The following EPB41L1 variants were observed in gnomAD, a reference collection of about 807,000 sequenced individuals.
EPB41L1 encodes band 4.1-like protein 1.
EPB41L1 carries 29 observed loss-of-function variants against 97.8 expected under a neutral mutation model. The ratio of observed to expected loss-of-function variants is 0.30; its 90% CI spans 0.22 to 0.40. EPB41L1 has a LOEUF of 0.40. EPB41L1 is among the 10% of genes least tolerant of loss of function. The probability of loss-of-function intolerance (pLI) is 1.00; values close to 1 mark genes in which losing one functional copy is unlikely to be tolerated. For synonymous variants in EPB41L1, 383 were observed against 459.2 expected (o/e 0.83, Z 2.12); for missense variants, 812 against 1,162.3 (o/e 0.70, Z 4.38).
intron 1 of EPB41L1, among the ~76,000 whole-genome samples, chr20:36,102,149 G>A (rs1281171156): frequency 3.9e-5 from 6 of 152,132 alleles, no homozygotes; most frequent in South Asian, 2.1e-4. Context: ...GTAGGGCCCC[G>A]GAAGCAGCCT....
At chr20:36,161,686 G>T (rs2752895) in intron 1 of EPB41L1, among the ~76,000 whole-genome samples, 7,745 of 152,154 alleles carry the variant, frequency 0.051, 655 homozygotes, top group African/African-American at 0.18. Context: ...TGTTGGCCAG[G>T]CTGGTCTCGA....
At chr20:36,197,706 T>A in intron 13 of EPB41L1, 153 bp from the exon 14 acceptor site, 18 of 985,346 alleles carry the variant, frequency 1.8e-5, no homozygotes, top group Non-Finnish European at 2.2e-5. Flanking sequence ...CCCTGGTTTG[T>A]CTCTGGGGCT....
At chr20:36,187,839 T>TAG in intron 8 of EPB41L1, 76 bp downstream of exon 8, 1 of 1,320,526 alleles carries the variant, frequency 7.6e-7, no homozygotes, top group Non-Finnish European at 1.1e-6. Flanking sequence ...CCCTAGGGCG[T>TAG]GGTGTGCCAG....
At chr20:36,152,936 G>A, upstream of EPB41L1, 2 of 455,540 alleles carry the variant, frequency 4.4e-6, no homozygotes, top group South Asian at 3.1e-5. Context: ...GGCCTGGGCA[G>A]ATTTGTCTGT....
At chr20:36,205,750 CAGTGGTAG>C (rs2062763531) in intron 14 of EPB41L1, 2 of 1,149,484 alleles carry the variant, frequency 1.7e-6, no homozygotes, top group East Asian at 1.2e-4. Flanking sequence ...TCAAACATTT[CAGTGGTAG>C]ATTGGTCCCC....
At chr20:36,142,300 ATTT>A (rs1289798364) in intron 2 of EPB41L1, among the ~76,000 whole-genome samples, 1 of 152,134 alleles carries the variant, frequency 6.6e-6, no homozygotes, top group Non-Finnish European at 1.5e-5. Context: ...ATGTATCACT[ATTT>A]TTATAACGTA....
At position 36,199,391 on chromosome 20, in the gene EPB41L1, A is replaced by G. The variant is rs6142529; in HGVS notation, c.1668+1350A>G. On this transcript the variant is annotated intron_variant, in intron 14 of 21. Coordinates refer to ENST00000338074, the MANE Select transcript of EPB41L1 (RefSeq NM_012156.2). ...CACATAAAGACCAGGTAGAGAGTCAATTGTATGTGTGCTGCCCTCTAATGC... is the reference window on the plus strand; with the variant it reads ...CACATAAAGACCAGGTAGAGAGTCAGTTGTATGTGTGCTGCCCTCTAATGC... 9.1e-4 allele frequency among the ~76,000 whole-genome samples: 138 copies of G among 152,356 alleles called. 3 individuals are homozygous for G. In the East Asian group the frequency reaches 0.021, roughly 24 times the overall value.
Position 36,176,212 on chromosome 20 carries a change from G to A in EPB41L1, c.342+497G>A, listed in dbSNP as rs532663082. Among the ~76,000 whole-genome samples, 126 of 152,280 alleles carry A rather than the reference G, an allele frequency of 8.3e-4. 1 individual carries two copies. Among genetic ancestry groups the A allele is most frequent in the African/African-American group, 2.8e-3 (115 of 41,548 alleles). On this transcript the variant is annotated intron_variant, in intron 3 of 21. Coordinates refer to ENST00000338074, the MANE Select transcript of EPB41L1 (RefSeq NM_012156.2). ...GCCCATCACCACGTCACAGGGAGGC[G>A]GCCCATTGGGAAGATGTCACCCAGG...
intron 13 of EPB41L1, among the ~76,000 whole-genome samples, chr20:36,196,532 GAGGAACAGACAGAT>G (rs1274756161): frequency 6.6e-6 from 1 of 152,194 alleles, no homozygotes. Context: ...AGGGATGCCC[GAGGAACAGACAGAT>G]GTCTGGAGGG....
chr20:36,167,838 A>C (rs2060804699), intron 1 of EPB41L1, among the ~76,000 whole-genome samples: 1 of 152,114 alleles, frequency 6.6e-6, no homozygotes, highest in Non-Finnish European at 1.5e-5. Flanking sequence ...CCAAGTGGTC[A>C]CAGGGAGACC....
chr20:36,171,447 G>A (rs1164544654), intron 1 of EPB41L1, among the ~76,000 whole-genome samples: 2 of 152,136 alleles, frequency 1.3e-5, no homozygotes, highest in African/African-American at 4.8e-5. Flanking sequence ...ATTTCTGGGT[G>A]GGGAGGAGGT....
chr20:36,197,805 A>G (rs2062283511), intron 13 of EPB41L1, 54 bp from the exon 14 acceptor site: 4 of 1,613,588 alleles, frequency 2.5e-6, no homozygotes, highest in Non-Finnish European at 2.5e-6. Flanking sequence ...TGCACCCTGC[A>G]TCCCCGCTTG....
chr20:36,155,761 G>A (rs972330717), intron 1 of EPB41L1: 4 of 411,524 alleles, frequency 9.7e-6, no homozygotes, highest in African/African-American at 8.2e-5. Context: ...ATGCATTGGT[G>A]GGGGAGAGAG....
chr20:36,222,055 TTG>T, intron 20 of EPB41L1, 111 bp downstream of exon 20: 1 of 1,217,268 alleles, frequency 8.2e-7, no homozygotes, highest in Non-Finnish European at 1.2e-6. Context: ...TGTCCACTTC[TTG>T]CTGACCCTGT....
In EPB41L1 at chr20:36,212,231, A is replaced by G; in HGVS notation, c.2080-41A>G. 1 of 1,590,254 alleles carries G rather than the reference A, an allele frequency of 6.3e-7. No homozygotes were observed. The highest frequency in any genetic ancestry group is 8.6e-7 in the Non-Finnish European group (1 of 1,158,424). On this transcript the variant is annotated intron_variant, in intron 15 of 21. Coordinates refer to ENST00000338074, the MANE Select transcript of EPB41L1 (RefSeq NM_012156.2). The surrounding 1 kb of genome is among the most constrained non-coding windows in gnomAD (Gnocchi z 4.8). ...ATTGTCTGTGAGCAAGGGTCATGCT[A>G]GGGTTTCAGTTACAGAGCATTCTCC...
rs1173913698 is a variant in EPB41L1 at position 36,207,364 on chromosome 20, T to A, written c.1669-2124T>A. On this transcript the variant is annotated intron_variant, in intron 14 of 21. Transcript: ENST00000338074. This position sits in a 1 kb window ranked among gnomAD's most constrained non-coding sequence, Gnocchi z 4.9. ...CATACCTCTGGGGTTTGGGTTCCCT[T>A]CAGGGAAGCGAAGGGAGATGACCTC... 7.8e-7 allele frequency: 1 copy of A among 1,288,908 alleles called. No individual in the cohort carries two copies. Among genetic ancestry groups the A allele is most frequent in the East Asian group, 5.6e-5 (1 of 18,002 alleles). The allele number at this position is 1,288,908 out of a possible 1,614,324, so 79.8% of individuals were successfully genotyped here. A position where few individuals can be genotyped will look rare whatever the true frequency, so the allele number is the denominator to read the frequency against.
At chr20:36,159,097 G>A (rs1041736923) in intron 1 of EPB41L1, among the ~76,000 whole-genome samples, 1 of 152,154 alleles carries the variant, frequency 6.6e-6, no homozygotes, top group African/African-American at 2.4e-5. Flanking sequence ...TGGGTGGTTC[G>A]CCAGGTTGGA....
intron 19 of EPB41L1, among the ~76,000 whole-genome samples, chr20:36,220,326 TAGTG>T (rs1314603564): frequency 2.0e-5 from 3 of 152,194 alleles, no homozygotes; most frequent in Non-Finnish European, 4.4e-5. Flanking sequence ...GAGCAGATGT[TAGTG>T]AGTGTCAACT....
At chr20:36,096,007 C>G (rs1038878123) in intron 1 of EPB41L1, among the ~76,000 whole-genome samples, 18 of 149,584 alleles carry the variant, frequency 1.2e-4, no homozygotes, top group African/African-American at 4.4e-4. Flanking sequence ...GCCTGGGTGA[C>G]AGAGCGAGAC....
Sources: allele counts gnomAD v4.1 joint callset (sites outside exome capture counted in the v4.1 genomes callset), GRCh38; gene constraint gnomAD v4.1.1; non-coding constraint Gnocchi (gnomAD v3.1); transcripts MANE v1.5; gene names NCBI Gene and HGNC (gene_info 2026-07-23, HGNC 2026-07-21).